Variants in SYNPR observed in about 807,000 individuals in gnomAD.
SYNPR encodes the protein synaptoporin.
SYNPR carries 23 observed loss-of-function variants against 32.9 expected under a neutral mutation model. The observed-to-expected ratio is 0.70, with a 90% confidence interval of 0.50 to 0.99. The LOEUF is 0.99. Among genes scored for constraint, SYNPR ranks in the 50% least tolerant of loss-of-function variants. The pLI is 0.00. For synonymous variants in SYNPR, 146 were observed against 135.9 expected (o/e 1.07, Z -0.52); for missense variants, 318 against 349.3 (o/e 0.91, Z 0.71).
chr3:63,286,900 G>A (rs2086689464), intron 2 of SYNPR, among the ~76,000 whole-genome samples: 1 of 152,152 alleles, frequency 6.6e-6, no homozygotes, highest in East Asian at 1.9e-4. Flanking sequence ...TGACCATGAT[G>A]ATGGTGATGA....
chr3:63,595,749 A>ATATATAGTTTTATATATATAGT (rs1699932787), intron 4 of SYNPR, among the ~76,000 whole-genome samples: 2 of 44,396 alleles, frequency 4.5e-5, no homozygotes, highest in African/African-American at 2.6e-4. Flanking sequence ...ATATATATAT[A>ATATATAGTTTTATATATATAGT]TATATATATA....
intron 2 of SYNPR, among the ~76,000 whole-genome samples, chr3:63,374,824 C>A (rs1215607126): frequency 1.3e-5 from 2 of 152,172 alleles, no homozygotes; most frequent in African/African-American, 4.8e-5. Context: ...TTCCCAGCAC[C>A]ATTTATTAAA....
chr3:63,379,949 G>C (rs2087944860), intron 2 of SYNPR, among the ~76,000 whole-genome samples: 1 of 150,678 alleles, frequency 6.6e-6, no homozygotes, highest in African/African-American at 2.4e-5. Context: ...TTGGTTTTTT[G>C]TCCTTGCGAT....
intron 2 of SYNPR, among the ~76,000 whole-genome samples, chr3:63,472,109 G>T (rs551799603): frequency 6.6e-6 from 1 of 152,328 alleles, no homozygotes; most frequent in Non-Finnish European, 1.5e-5. Flanking sequence ...TTGTCTTACA[G>T]ATGCTTCATG....
chr3:63,382,260 A>G (rs2087979842), intron 2 of SYNPR, among the ~76,000 whole-genome samples: 1 of 152,170 alleles, frequency 6.6e-6, no homozygotes, highest in African/African-American at 2.4e-5. Context: ...TCCCAGGGCC[A>G]TTGTTACTGC....
chr3:63,268,046 A>C (rs1172522660), intron 3 of SYNPR, among the ~76,000 whole-genome samples: 1 of 152,194 alleles, frequency 6.6e-6, no homozygotes, highest in Non-Finnish European at 1.5e-5. Flanking sequence ...TCATTGTTTC[A>C]CACTGTGGAA....
At chr3:63,232,375 T>A (rs1332005359) in intron 1 of SYNPR, among the ~76,000 whole-genome samples, 5 of 151,416 alleles carry the variant, frequency 3.3e-5, no homozygotes, top group Non-Finnish European at 7.4e-5. Context: ...TGAATTTTTG[T>A]ATTTTTAGTA....
the SYNPR span, among the ~76,000 whole-genome samples, chr3:63,209,874 C>T: frequency 1.3e-5 from 2 of 152,142 alleles, no homozygotes; most frequent in Admixed American, 6.5e-5. Context: ...TTGGAAGCTC[C>T]ATGAAACATG....
chr3:63,528,297 C>T (rs1436590404), intron 3 of SYNPR, among the ~76,000 whole-genome samples: 1 of 152,178 alleles, frequency 6.6e-6, no homozygotes, highest in Non-Finnish European at 1.5e-5. Flanking sequence ...CAAAGTTAAG[C>T]AGGTATCTTT....
intron 2 of SYNPR, among the ~76,000 whole-genome samples, chr3:63,417,499 T>C (rs1313888607): frequency 6.6e-6 from 1 of 152,210 alleles, no homozygotes; most frequent in African/African-American, 2.4e-5. Context: ...ACAGCTCCAC[T>C]AGGCAGTGGC....
chr3:63,492,594 G>A (rs1231065540), intron 3 of SYNPR, among the ~76,000 whole-genome samples: 2 of 152,208 alleles, frequency 1.3e-5, no homozygotes, highest in African/African-American at 2.4e-5. Context: ...GAAAATGATT[G>A]TAGGTTATGT....
chr3:63,468,245 T>G (rs1005434802), intron 2 of SYNPR, among the ~76,000 whole-genome samples: 1 of 148,982 alleles, frequency 6.7e-6, no homozygotes, highest in East Asian at 2.0e-4. Context: ...AGTCCATGAA[T>G]GTCTCGAAGT....
At chr3:63,345,386 C>A (rs754597599) in intron 2 of SYNPR, among the ~76,000 whole-genome samples, 11 of 152,338 alleles carry the variant, frequency 7.2e-5, no homozygotes, top group Admixed American at 5.9e-4. Context: ...TGTTAGATTT[C>A]TCTGACCGTC....
chr3:63,297,869 T>C (rs371962041), intron 2 of SYNPR, among the ~76,000 whole-genome samples: 1 of 151,744 alleles, frequency 6.6e-6, no homozygotes, highest in Admixed American at 6.6e-5. Context: ...CCAGGTGGAG[T>C]CAGTTGGTTG....
intron 2 of SYNPR, among the ~76,000 whole-genome samples, chr3:63,281,153 G>C (rs2086626609): frequency 1.3e-5 from 2 of 152,164 alleles, no homozygotes; most frequent in South Asian, 4.1e-4. Flanking sequence ...ATTTCTTATA[G>C]ATGGTAGAAC....
rs558472191 is a variant in SYNPR, at chr3:63,418,049, G to A, written c.85-62783G>A. Among the ~76,000 whole-genome samples the A allele has an allele frequency of 2.0e-5, 3 of 152,232 alleles. No homozygotes were observed. In the South Asian group the frequency reaches 6.2e-4, roughly 32 times the overall value. ...ATGGGATTTTTCTTTCTATCATATT[G>A]TCAGGCTGCAAATTTTCCAAACGTT... On this transcript the variant is annotated intron_variant, in intron 2 of 5. Transcript: ENST00000478300.
At chr3:63,550,961 T>C (rs1394900) in intron 3 of SYNPR, among the ~76,000 whole-genome samples, 7,699 of 152,254 alleles carry the variant, frequency 0.051, 637 homozygotes, top group African/African-American at 0.16. Flanking sequence ...TATTCCCCCA[T>C]GTGTTACGCC....
chr3:63,230,164 G>C (rs2086156401), intron 1 of SYNPR, among the ~76,000 whole-genome samples: 1 of 152,114 alleles, frequency 6.6e-6, no homozygotes, highest in Non-Finnish European at 1.5e-5. Flanking sequence ...GCTTTAAACT[G>C]TTGTGAATGG....
At chr3:63,405,027 T>A (rs2088340960) in intron 2 of SYNPR, among the ~76,000 whole-genome samples, 1 of 152,070 alleles carries the variant, frequency 6.6e-6, no homozygotes, top group Non-Finnish European at 1.5e-5. Flanking sequence ...TTACTGTGTG[T>A]CATATATGAT....
Sources: gnomAD v4.1 joint callset for allele counts (sites outside exome capture counted in the v4.1 genomes callset) on GRCh38, gnomAD v4.1.1 for gene constraint, MANE v1.5 for transcripts, NCBI Gene and HGNC (gene_info 2026-07-23, HGNC 2026-07-21) for gene names.